Variants in ATF6 observed in about 807,000 individuals in gnomAD.
The protein encoded by ATF6 is cyclic AMP-dependent transcription factor ATF-6 alpha.
A neutral mutation model predicts 83.6 loss-of-function variants in ATF6; 53 were observed. The observed-to-expected ratio is 0.63, with a 90% CI of 0.51 to 0.80. The LOEUF (loss-of-function observed/expected upper bound fraction) is 0.80, where lower values mean the gene tolerates loss of function less well. Ranked by LOEUF, ATF6 falls within the 30% of genes least tolerant of loss-of-function variation. ATF6 has a pLI of 0.00. For synonymous variants in ATF6, 288 were observed against 285.8 expected (o/e 1.01, Z -0.08); for missense variants, 744 against 797.9 (o/e 0.93, Z 0.81).
At chr1:161,929,744 C>G (rs1350380252) in intron 15 of ATF6, among the ~76,000 whole-genome samples, 2 of 152,104 alleles carry the variant, frequency 1.3e-5, no homozygotes, top group Non-Finnish European at 1.5e-5. Context: ...CTTAATATCA[C>G]AAAAAGATGA....
chr1:161,913,128 AT>A (rs1306814310), intron 15 of ATF6, among the ~76,000 whole-genome samples: 3 of 152,170 alleles, frequency 2.0e-5, no homozygotes, highest in Non-Finnish European at 2.9e-5. Flanking sequence ...TTATTGACTA[AT>A]TGCTTTCTCT....
chr1:161,930,332 T>C (rs1688406705), intron 15 of ATF6, among the ~76,000 whole-genome samples: 1 of 152,242 alleles, frequency 6.6e-6, no homozygotes. Context: ...AAATACTCAT[T>C]GAATTTGTCA....
Position 161,795,504 on chromosome 1 carries a change from G to A in ATF6, c.688+3177G>A, listed in dbSNP as rs976025457. On this transcript the variant is annotated intron_variant, in intron 6 of 15. Coordinates refer to ENST00000367942, the MANE Select transcript of ATF6 (RefSeq NM_007348.4). ...GATTATTTGCCCTAAGTCACACACCGATGCTGTTTCAGACAAAGTAGGCAT... is the reference window on the plus strand; with the variant it reads ...GATTATTTGCCCTAAGTCACACACCAATGCTGTTTCAGACAAAGTAGGCAT... 6.6e-5 allele frequency among the ~76,000 whole-genome samples: 10 copies of A among 152,284 alleles called. 2 individuals are homozygous for A. Among genetic ancestry groups the A allele is most frequent in the Admixed American group, 5.2e-4 (8 of 15,292 alleles).
chr1:161,871,624 C>T (rs540410363), intron 14 of ATF6, among the ~76,000 whole-genome samples: 1 of 151,702 alleles, frequency 6.6e-6, no homozygotes, highest in South Asian at 2.1e-4. Context: ...TTCTTCACAT[C>T]ATGAATATGT....
At chr1:161,920,312 T>TTTTTTTTTTTTTTTTTA (rs71093133) in intron 15 of ATF6, among the ~76,000 whole-genome samples, 2 of 123,802 alleles carry the variant, frequency 1.6e-5, no homozygotes, top group African/African-American at 2.8e-5. Context: ...TTTTTTTTTT[T>TTTTTTTTTTTTTTTTTA]GAGACAGAGT....
At chr1:161,888,233 T>C (rs548432085) in intron 14 of ATF6, among the ~76,000 whole-genome samples, 108 of 152,366 alleles carry the variant, frequency 7.1e-4, no homozygotes, top group African/African-American at 2.5e-3. Context: ...CCCTGCTTTT[T>C]TAAAAGAGCA....
chr1:161,915,750 G>A (rs1213711347), intron 15 of ATF6, among the ~76,000 whole-genome samples: 1 of 151,326 alleles, frequency 6.6e-6, no homozygotes, highest in Non-Finnish European at 1.5e-5. Flanking sequence ...TCAGCCTCCC[G>A]AGCAGCTCCT....
intron 14 of ATF6, among the ~76,000 whole-genome samples, chr1:161,908,753 C>A (rs1260419612): frequency 6.6e-6 from 1 of 152,108 alleles, no homozygotes; most frequent in Non-Finnish European, 1.5e-5. Context: ...TGGCAACATT[C>A]TTATTCTACT....
At chr1:161,883,302 C>G (rs1198929355) in intron 14 of ATF6, among the ~76,000 whole-genome samples, 3 of 151,934 alleles carry the variant, frequency 2.0e-5, no homozygotes, top group African/African-American at 7.2e-5. Context: ...TCTCAATAGT[C>G]TATATAATCT....
In ATF6 at chr1:161,908,472, A is replaced by G. The variant is rs112861385; in HGVS notation, c.1720-3824A>G. On this transcript the variant is annotated intron_variant, in intron 14 of 15. Coordinates refer to ENST00000367942, the MANE Select transcript of ATF6 (RefSeq NM_007348.4). ...ATTTTCTCATGCACAATATTGCACA[A>G]CATTAGAAAACTGATGCTTTATTTT... 2.3e-3 allele frequency among the ~76,000 whole-genome samples: 354 copies of G among 152,342 alleles called. 3 individuals carry two copies. The highest frequency in any genetic ancestry group is 7.9e-3 in the African/African-American group (329 of 41,588).
intron 15 of ATF6, among the ~76,000 whole-genome samples, chr1:161,941,725 G>A (rs925289918): frequency 6.6e-6 from 1 of 152,202 alleles, no homozygotes; most frequent in Non-Finnish European, 1.5e-5. Context: ...TATGTTATAA[G>A]AAGCAGATTA....
At chr1:161,923,439 T>C (rs1688254211) in intron 15 of ATF6, among the ~76,000 whole-genome samples, 1 of 152,216 alleles carries the variant, frequency 6.6e-6, no homozygotes, top group Non-Finnish European at 1.5e-5. Flanking sequence ...GTATCCATTT[T>C]TAACTCTTCC....
intron 9 of ATF6, among the ~76,000 whole-genome samples, chr1:161,822,450 C>T (rs1033166866): frequency 1.3e-5 from 2 of 152,116 alleles, no homozygotes; most frequent in African/African-American, 4.8e-5. Flanking sequence ...CAGTTGTAAT[C>T]TTGGAAAGCA....
At chr1:161,897,793 G>GT (rs1687706349) in intron 14 of ATF6, among the ~76,000 whole-genome samples, 1 of 152,160 alleles carries the variant, frequency 6.6e-6, no homozygotes, top group African/African-American at 2.4e-5. Context: ...TACGTGTTGA[G>GT]TGATAATATT....
intron 9 of ATF6, among the ~76,000 whole-genome samples, chr1:161,834,244 C>T (rs531513636): frequency 2.0e-5 from 3 of 152,232 alleles, no homozygotes; most frequent in African/African-American, 7.2e-5. Flanking sequence ...CCTACAAGAG[C>T]TCCGGAAGGA....
chr1:161,955,318 A>G (rs529740378), intron 15 of ATF6, among the ~76,000 whole-genome samples: 6 of 152,286 alleles, frequency 3.9e-5, no homozygotes, highest in African/African-American at 1.4e-4. Flanking sequence ...CTGACAGGCA[A>G]GTTGTAGGCA....
intron 4 of ATF6, among the ~76,000 whole-genome samples, chr1:161,789,279 A>G (rs199612388): frequency 3.3e-5 from 1 of 30,274 alleles, no homozygotes; most frequent in Admixed American, 3.2e-4. Flanking sequence ...TTTTTTTTTT[A>G]CCCATTAACA....
chr1:161,821,240 T>G, intron 9 of ATF6, 79 bp downstream of exon 9: 1 of 982,690 alleles, frequency 1.0e-6, no homozygotes, highest in South Asian at 1.6e-5. Flanking sequence ...TGTCATAAAC[T>G]AGAGAAAAAA....
In ATF6 at chr1:161,851,617, T is replaced by C. The variant is rs916637988; in HGVS notation, c.1320-105T>C. On this transcript the variant is annotated intron_variant, in intron 10 of 15. Transcript: ENST00000367942. ...ATCTTGCAGTATATTCTGTTTACTATATTTTTGTTTCCATGAAAAGTTAAC... is the reference window on the plus strand; with the variant it reads ...ATCTTGCAGTATATTCTGTTTACTACATTTTTGTTTCCATGAAAAGTTAAC... 29 of 685,778 alleles carry C rather than the reference T, an allele frequency of 4.2e-5. No individual in the cohort carries two copies. The African/African-American group carries it at 5.2e-4, about 12-fold the overall frequency. The allele number at this position is 685,778 out of a possible 1,614,324, so 42.5% of individuals were successfully genotyped here.
Sources: allele counts gnomAD v4.1 joint callset (sites outside exome capture counted in the v4.1 genomes callset), GRCh38; gene constraint gnomAD v4.1.1; transcripts MANE v1.5; gene names NCBI Gene and HGNC (gene_info 2026-07-23, HGNC 2026-07-21).